Variants in HS3ST4 observed in about 807,000 individuals in gnomAD.
The protein encoded by HS3ST4 is heparan sulfate-glucosamine 3-sulfotransferase 4.
A neutral mutation model predicts 29.2 loss-of-function variants in HS3ST4; 17 were observed. The ratio of observed to expected loss-of-function variants is 0.58; its 90% CI spans 0.40 to 0.87. The LOEUF is 0.87. Ranked by LOEUF, HS3ST4 falls within the 40% of genes least tolerant of loss-of-function variation. HS3ST4 has a pLI of 0.00. For synonymous variants in HS3ST4, 314 were observed against 285.7 expected (o/e 1.10, Z -1.00); for missense variants, 627 against 634.5 (o/e 0.99, Z 0.13).
At chr16:25,871,012 G>A (rs917451887) in intron 1 of HS3ST4, among the ~76,000 whole-genome samples, 2 of 152,196 alleles carry the variant, frequency 1.3e-5, no homozygotes, top group South Asian at 2.1e-4. Context: ...AATAAGCAGA[G>A]GAAATCAAAT....
At chr16:25,836,975 A>G (rs181214066) in intron 1 of HS3ST4, among the ~76,000 whole-genome samples, 6 of 152,308 alleles carry the variant, frequency 3.9e-5, no homozygotes, top group East Asian at 1.9e-4. Context: ...AGGCATTGTT[A>G]TGTGGTTTTG....
intron 1 of HS3ST4, among the ~76,000 whole-genome samples, chr16:25,971,998 T>C (rs1968903513): frequency 6.6e-6 from 1 of 150,592 alleles, no homozygotes. Context: ...AAATCCTGGC[T>C]CTGCCACTTA....
chr16:25,797,937 A>G (rs1966897748), intron 1 of HS3ST4, among the ~76,000 whole-genome samples: 1 of 152,152 alleles, frequency 6.6e-6, no homozygotes, highest in Non-Finnish European at 1.5e-5. Flanking sequence ...CAAGCTCTTC[A>G]TTGCTTTTCA....
At chr16:25,741,450 A>ATGTATAATGTATAT in intron 1 of HS3ST4, among the ~76,000 whole-genome samples, 1 of 151,476 alleles carries the variant, frequency 6.6e-6, no homozygotes. Context: ...AACTGTACAA[A>ATGTATAATGTATAT]GTACTTTGAG....
At chr16:25,845,198 C>T (rs1567253654) in intron 1 of HS3ST4, among the ~76,000 whole-genome samples, 2 of 152,002 alleles carry the variant, frequency 1.3e-5, no homozygotes, top group African/African-American at 4.8e-5. Context: ...TGGAACTTAA[C>T]ATAAAAATAA....
chr16:25,800,192 T>C (rs1488288395), intron 1 of HS3ST4, among the ~76,000 whole-genome samples: 1 of 152,128 alleles, frequency 6.6e-6, no homozygotes, highest in African/African-American at 2.4e-5. Flanking sequence ...TGCTGTTTAT[T>C]TGATAAGTAG....
chr16:26,091,664 G>A (rs1282394676), intron 1 of HS3ST4, among the ~76,000 whole-genome samples: 2 of 152,198 alleles, frequency 1.3e-5, no homozygotes, highest in African/African-American at 4.8e-5. Flanking sequence ...AGATGCCAAA[G>A]TGAAGTTAGC....
intron 1 of HS3ST4, among the ~76,000 whole-genome samples, chr16:26,099,727 T>A (rs1898969853): frequency 6.6e-6 from 1 of 152,066 alleles, no homozygotes; most frequent in South Asian, 2.1e-4. Flanking sequence ...CAGATAAAAA[T>A]CTCTATCCTT....
intron 1 of HS3ST4, among the ~76,000 whole-genome samples, chr16:25,958,610 C>T (rs938212441): frequency 2.0e-5 from 3 of 152,200 alleles, no homozygotes. Flanking sequence ...GGATTACAGG[C>T]ATGAGCCACT....
intron 1 of HS3ST4, among the ~76,000 whole-genome samples, chr16:25,709,827 T>A (rs1966404126): frequency 6.6e-6 from 1 of 152,184 alleles, no homozygotes. Flanking sequence ...AATTATTTAT[T>A]TAGAATATTT....
At chr16:25,731,666 A>G (rs1966570812) in intron 1 of HS3ST4, among the ~76,000 whole-genome samples, 1 of 152,180 alleles carries the variant, frequency 6.6e-6, no homozygotes, top group Non-Finnish European at 1.5e-5. Context: ...ATGAGGTAGG[A>G]TATTCCAAGG....
chr16:25,694,612 GATT>G (rs1966280060), intron 1 of HS3ST4, among the ~76,000 whole-genome samples: 1 of 152,158 alleles, frequency 6.6e-6, no homozygotes, highest in Non-Finnish European at 1.5e-5. Context: ...TCCAGTTTGT[GATT>G]ATAATTAAAA....
chr16:25,849,695 C>T (rs561975005), intron 1 of HS3ST4, among the ~76,000 whole-genome samples: 14 of 152,056 alleles, frequency 9.2e-5, no homozygotes, highest in Admixed American at 3.3e-4. Context: ...TTTGTAGAGA[C>T]GGGGTCTCAC....
chr16:26,001,312 T>C (rs1969209913), intron 1 of HS3ST4, among the ~76,000 whole-genome samples: 1 of 152,184 alleles, frequency 6.6e-6, no homozygotes, highest in African/African-American at 2.4e-5. Flanking sequence ...ACAATGGCTC[T>C]GAAAAATAAA....
intron 1 of HS3ST4, among the ~76,000 whole-genome samples, chr16:26,053,136 G>T (rs1254544833): frequency 6.6e-6 from 1 of 152,120 alleles, no homozygotes; most frequent in Non-Finnish European, 1.5e-5. Flanking sequence ...ATATTCTCCC[G>T]AGATGCTTTC....
At chr16:25,957,100 A>G (rs993596660) in intron 1 of HS3ST4, among the ~76,000 whole-genome samples, 9 of 151,838 alleles carry the variant, frequency 5.9e-5, no homozygotes, top group Non-Finnish European at 1.3e-4. Context: ...ATCAGAGCCC[A>G]AAGAGAGTGG....
intron 1 of HS3ST4, among the ~76,000 whole-genome samples, chr16:25,921,759 CTTTTTTTTTTTTT>C (rs1968356872): frequency 7.1e-6 from 1 of 141,570 alleles, no homozygotes; most frequent in African/African-American, 2.6e-5. Context: ...TTTTTTTTTT[CTTTTTTTTTTTTT>C]GAGACAGGGT....
At chr16:25,952,000 GA>G (rs61380911) in intron 1 of HS3ST4, among the ~76,000 whole-genome samples, 15 of 150,394 alleles carry the variant, frequency 1.0e-4, no homozygotes, top group East Asian at 3.9e-4. Context: ...AAAGAAAAAG[GA>G]AAAAAAAAGA....
intron 1 of HS3ST4, among the ~76,000 whole-genome samples, chr16:26,118,348 A>G (rs1899226426): frequency 1.3e-5 from 2 of 152,182 alleles, no homozygotes; most frequent in South Asian, 4.1e-4. Context: ...CCAAAGTTCA[A>G]AGGGCTGGGA....
Sources: gnomAD v4.1 joint callset for allele counts (sites outside exome capture counted in the v4.1 genomes callset) on GRCh38, gnomAD v4.1.1 for gene constraint, MANE v1.5 for transcripts, NCBI Gene and HGNC (gene_info 2026-07-23, HGNC 2026-07-21) for gene names.